The following SYTL5 variants were observed in gnomAD, a reference collection of about 807,000 sequenced individuals.
SYTL5 encodes the protein synaptotagmin like 5, also known as synaptotagmin-like protein 5.
SYTL5 carries 34 observed loss-of-function variants against 55.9 expected under a neutral mutation model. The ratio of observed to expected loss-of-function variants is 0.61; its 90% CI spans 0.46 to 0.81. The LOEUF (loss-of-function observed/expected upper bound fraction) is 0.81, where lower values mean the gene tolerates loss of function less well. Among genes scored for constraint, SYTL5 ranks in the 30% least tolerant of loss-of-function variants. SYTL5 has a pLI of 0.00. For missense variants in SYTL5, 637 were observed against 546.7 expected, an observed-to-expected ratio of 1.17 and a Z score of -1.65; for synonymous variants, 221 against 188.7, an observed-to-expected ratio of 1.17 and a Z score of -1.40.
At chrX:38,084,581 T>C (rs767277957) in intron 6 of SYTL5, among the ~76,000 whole-genome samples, 1 of 111,045 alleles carries the variant, frequency 9.0e-6, no homozygotes, top group East Asian at 2.8e-4. Context: ...TGTCTGCTGC[T>C]TGGTGTGTGG....
intron 6 of SYTL5, among the ~76,000 whole-genome samples, chrX:38,088,710 T>A (rs1936719359): frequency 8.9e-6 from 1 of 112,420 alleles, no homozygotes; most frequent in South Asian, 3.7e-4. Flanking sequence ...AATTAGACAC[T>A]AAAACAACAC....
At chrX:37,949,406 G>A in the SYTL5 span, 1 of 111,739 alleles carries the variant, frequency 8.9e-6, no homozygotes, top group East Asian at 2.8e-4. Context: ...TGACATTGAG[G>A]TACCTCCAAT....
chrX:37,961,501 C>A, the SYTL5 span, among the ~76,000 whole-genome samples: 1,096 of 110,712 alleles, frequency 9.9e-3, 14 homozygotes, highest in African/African-American at 0.035. Flanking sequence ...TAAAGGATAG[C>A]AGAGGTTGTT....
intron 7 of SYTL5, among the ~76,000 whole-genome samples, chrX:38,090,135 A>G (rs1035355797): frequency 8.9e-6 from 1 of 112,181 alleles, no homozygotes; most frequent in African/African-American, 3.2e-5. Flanking sequence ...TGTATGATGG[A>G]GTTTTAAATT....
chrX:37,991,706 G>A, the SYTL5 span, among the ~76,000 whole-genome samples: 2 of 112,028 alleles, frequency 1.8e-5, no homozygotes, highest in South Asian at 7.5e-4. Flanking sequence ...GTGGCCACAG[G>A]GGTGGGTGGA....
chrX:38,046,650 A>G (rs1449332077), intron 2 of SYTL5, among the ~76,000 whole-genome samples: 1 of 111,378 alleles, frequency 9.0e-6, no homozygotes, highest in Non-Finnish European at 1.9e-5. Context: ...ATGTCCTCAC[A>G]TTTCAAAACC....
the SYTL5 span, among the ~76,000 whole-genome samples, chrX:37,973,673 G>A: frequency 1.8e-5 from 2 of 109,244 alleles, no homozygotes; most frequent in African/African-American, 3.3e-5. Context: ...TCCCCCAGTC[G>A]CCCAGGCTGG....
chrX:38,115,599 A>G (rs974816041), intron 13 of SYTL5, among the ~76,000 whole-genome samples: 1 of 108,261 alleles, frequency 9.2e-6, no homozygotes, highest in African/African-American at 3.4e-5. Context: ...TACTATATTT[A>G]GTCTTTTTGA....
the SYTL5 span, among the ~76,000 whole-genome samples, chrX:37,890,163 G>A: frequency 9.1e-6 from 1 of 110,142 alleles, no homozygotes; most frequent in African/African-American, 3.3e-5. Flanking sequence ...TTTATTGGGG[G>A]TCTGAAGAAA....
the SYTL5 span, among the ~76,000 whole-genome samples, chrX:37,961,243 A>T: frequency 3.6e-5 from 4 of 111,729 alleles, no homozygotes; most frequent in African/African-American, 1.3e-4. Flanking sequence ...TGGGTAATTT[A>T]TAAAGAAAAG....
At chrX:38,051,546 T>C (rs938276696) in intron 2 of SYTL5, among the ~76,000 whole-genome samples, 1 of 111,779 alleles carries the variant, frequency 8.9e-6, no homozygotes, top group Non-Finnish European at 1.9e-5. Flanking sequence ...CTCCTTCCCA[T>C]ATGCCTCAAA....
chrX:37,976,355 G>C, the SYTL5 span, among the ~76,000 whole-genome samples: 1 of 111,825 alleles, frequency 8.9e-6, no homozygotes, highest in African/African-American at 3.3e-5. Flanking sequence ...TTCCAAATTT[G>C]TTTTCATGGG....
At chrX:38,086,331 T>C (rs1936660449) in intron 6 of SYTL5, among the ~76,000 whole-genome samples, 1 of 111,956 alleles carries the variant, frequency 8.9e-6, no homozygotes, top group East Asian at 2.8e-4. Flanking sequence ...ACTGAAATGA[T>C]TGCTGTCAGA....
At chrX:38,117,780 G>A (rs1279387239) in intron 13 of SYTL5, among the ~76,000 whole-genome samples, 3 of 111,880 alleles carry the variant, frequency 2.7e-5, no homozygotes, top group African/African-American at 9.8e-5. Context: ...GCACCTACAT[G>A]CGGCTTCTCT....
At chrX:37,978,017 A>T in the SYTL5 span, among the ~76,000 whole-genome samples, 1 of 111,755 alleles carries the variant, frequency 8.9e-6, no homozygotes, top group African/African-American at 3.3e-5. Flanking sequence ...TCAAACATTT[A>T]AAAAATGGAG....
the SYTL5 span, among the ~76,000 whole-genome samples, chrX:37,996,191 G>A: frequency 1.1e-4 from 12 of 111,957 alleles, no homozygotes; most frequent in African/African-American, 2.9e-4. Flanking sequence ...AGCTGTGCTC[G>A]TGGGTTTCAG....
At chrX:37,967,120 C>T in the SYTL5 span, among the ~76,000 whole-genome samples, 7 of 111,533 alleles carry the variant, frequency 6.3e-5, no homozygotes, top group East Asian at 1.7e-3. Flanking sequence ...GGTGCGAACT[C>T]GGCTTACGGC....
intron 1 of SYTL5, among the ~76,000 whole-genome samples, chrX:38,029,289 T>C (rs1934879149): frequency 8.9e-6 from 1 of 112,248 alleles, no homozygotes; most frequent in African/African-American, 3.2e-5. Context: ...CTTCAAACAA[T>C]CCTTTAAACT....
At chrX:37,893,970 A>G in the SYTL5 span, among the ~76,000 whole-genome samples, 3 of 108,411 alleles carry the variant, frequency 2.8e-5, no homozygotes, top group Non-Finnish European at 5.7e-5. Context: ...CCCAATCAGT[A>G]CTACTTTATC....
Sources: allele counts gnomAD v4.1 joint callset (sites outside exome capture counted in the v4.1 genomes callset), GRCh38; gene constraint gnomAD v4.1.1; transcripts MANE v1.5; gene names NCBI Gene and HGNC (gene_info 2026-07-23, HGNC 2026-07-21).